The following STIM1 variants were observed in gnomAD, a reference collection of about 807,000 sequenced individuals.
The protein encoded by STIM1 is stromal interaction molecule 1.
A neutral mutation model predicts 74.7 loss-of-function variants in STIM1; 25 were observed. The observed-to-expected ratio is 0.33, with a 90% CI of 0.24 to 0.47. The LOEUF (loss-of-function observed/expected upper bound fraction) is 0.47, where lower values mean the gene tolerates loss of function less well. STIM1 is among the 20% of genes least tolerant of loss of function. The pLI, the probability that STIM1 is intolerant of heterozygous loss-of-function variation, is 1.00. For synonymous variants in STIM1, 328 were observed against 348.8 expected (o/e 0.94, Z 0.66); for missense variants, 728 against 920.8 (o/e 0.79, Z 2.71).
At chr11:3,979,415 G>A (rs1257845013) in intron 2 of STIM1, among the ~76,000 whole-genome samples, 1 of 151,920 alleles carries the variant, frequency 6.6e-6, no homozygotes, top group African/African-American at 2.4e-5. Context: ...CTTTAAATCC[G>A]ATTTTAGCCT....
intron 2 of STIM1, among the ~76,000 whole-genome samples, chr11:3,986,113 A>T (rs114626585): frequency 1.3e-3 from 201 of 152,298 alleles, no homozygotes; most frequent in African/African-American, 4.2e-3. Context: ...TTAAAGACTA[A>T]TAAGATGAAT....
At chr11:4,080,789 G>A (rs559640459) in intron 7 of STIM1, among the ~76,000 whole-genome samples, 2 of 152,086 alleles carry the variant, frequency 1.3e-5, no homozygotes, top group Non-Finnish European at 2.9e-5. Context: ...GAGCCTTGTA[G>A]GCCTGCCCCT....
intron 2 of STIM1, among the ~76,000 whole-genome samples, chr11:4,017,427 A>G (rs1414041926): frequency 1.3e-5 from 2 of 152,152 alleles, no homozygotes; most frequent in East Asian, 1.9e-4. Flanking sequence ...GTGAGTCCCT[A>G]TGCAGATCTT....
intron 1 of STIM1, among the ~76,000 whole-genome samples, chr11:3,955,611 A>T (rs1417323135): frequency 2.0e-5 from 3 of 152,128 alleles, no homozygotes; most frequent in Non-Finnish European, 2.9e-5. Flanking sequence ...ATGTAAAAAT[A>T]TATATTTTAA....
chr11:4,034,481 C>A (rs113591512), intron 3 of STIM1, among the ~76,000 whole-genome samples: 2 of 151,988 alleles, frequency 1.3e-5, no homozygotes, highest in African/African-American at 2.4e-5. Flanking sequence ...GGATAAATCC[C>A]CTTGGTCATA....
intron 3 of STIM1, among the ~76,000 whole-genome samples, chr11:4,044,299 A>C (rs1029547341): frequency 3.9e-5 from 6 of 152,154 alleles, no homozygotes; most frequent in Admixed American, 1.3e-4. Flanking sequence ...CTCCTTGCCA[A>C]ATTCTGCAGC....
chr11:4,088,731 C>A, intron 12 of STIM1: 1 of 1,535,830 alleles, frequency 6.5e-7, no homozygotes, highest in East Asian at 2.4e-5. Context: ...AACAGGCTCT[C>A]TAGTAAGGTC....
chr11:3,894,493 G>A (rs2091995691), intron 1 of STIM1, among the ~76,000 whole-genome samples: 1 of 152,094 alleles, frequency 6.6e-6, no homozygotes, highest in South Asian at 2.1e-4. Flanking sequence ...AAGTGACCTT[G>A]GGAGCATCTA....
intron 2 of STIM1, among the ~76,000 whole-genome samples, chr11:4,003,698 C>T (rs1438634655): frequency 1.3e-5 from 2 of 152,224 alleles, no homozygotes; most frequent in African/African-American, 4.8e-5. Context: ...TGCCCTCTCT[C>T]ACCACTCCTA....
chr11:3,901,556 G>A (rs1266876584), intron 1 of STIM1, among the ~76,000 whole-genome samples: 1 of 152,158 alleles, frequency 6.6e-6, no homozygotes, highest in Non-Finnish European at 1.5e-5. Context: ...GACAGCTTAT[G>A]TGTCAGAAAA....
Position 4,063,495 on chromosome 11 carries a change from G to A in STIM1, c.613+4099G>A, listed in dbSNP as rs1042831032. Among the ~76,000 whole-genome samples, 7 of 152,214 alleles carry A rather than the reference G, an allele frequency of 4.6e-5. No homozygotes were observed. The East Asian group carries it at 7.7e-4, about 17-fold the overall frequency. On this transcript the variant is annotated intron_variant, in intron 5 of 12. Coordinates refer to ENST00000526596, the MANE Select transcript of STIM1 (RefSeq NM_001382567.1). Reference sequence around the variant, plus strand: ...ATAAGTTATTTTTAAATTAAGGCACGCACACTGTATTTTTAGACATAATGC... The same window carrying A: ...ATAAGTTATTTTTAAATTAAGGCACACACACTGTATTTTTAGACATAATGC...
chr11:3,885,145 T>C (rs1255592169), intron 1 of STIM1, among the ~76,000 whole-genome samples: 1 of 152,056 alleles, frequency 6.6e-6, no homozygotes, highest in Non-Finnish European at 1.5e-5. Context: ...GGATTAATTA[T>C]ATGTCATGTG....
intron 2 of STIM1, among the ~76,000 whole-genome samples, chr11:3,969,689 G>A (rs1403634642): frequency 6.6e-6 from 1 of 152,192 alleles, no homozygotes; most frequent in South Asian, 2.1e-4. Flanking sequence ...AGCTGTAGAG[G>A]TAGTAAGAAA....
intron 2 of STIM1, among the ~76,000 whole-genome samples, chr11:3,982,684 G>T (rs184625898): frequency 1.2e-4 from 18 of 152,290 alleles, no homozygotes; most frequent in African/African-American, 4.3e-4. Flanking sequence ...TCAGGCTGAT[G>T]ATAATGTTCT....
chr11:3,991,973 G>A (rs201747290), intron 2 of STIM1, among the ~76,000 whole-genome samples: 20,735 of 81,910 alleles, frequency 0.25, 4,262 homozygotes, highest in Non-Finnish European at 0.35. Flanking sequence ...AAAAAAAAAA[G>A]AAAAAAAAAA....
In STIM1 at chr11:4,082,346, G is replaced by T; in HGVS notation, c.1132G>T (p.Glu378Ter). The change falls in exon 8 of 13, where the codon GAG becomes TAG. Residue 378 changes from glutamate to a stop codon, truncating the protein, a stop_gained. Coordinates refer to ENST00000526596, the MANE Select transcript of STIM1 (RefSeq NM_001382567.1). LOFTEE classifies it high-confidence loss of function. Reference protein sequence around the residue: ...NAEKQLLVAKEGAEKIKKKRN... With the variant: ...NAEKQLLVAK ...TGAGAAGCAGCTGCTGGTGGCCAAG[G>T]AGGGGGTGAGAACAGCCCTTCTATT... The T allele has an allele frequency of 6.2e-7, 1 of 1,611,036 alleles. No homozygotes were observed. Among genetic ancestry groups the T allele is most frequent in the Non-Finnish European group, 8.5e-7 (1 of 1,179,036 alleles).
intron 1 of STIM1, among the ~76,000 whole-genome samples, chr11:3,921,248 T>A (rs1487405760): frequency 2.6e-5 from 4 of 152,246 alleles, no homozygotes; most frequent in Non-Finnish European, 5.9e-5. Flanking sequence ...CATGATGGAT[T>A]TGATATCTTT....
rs1454054588 is a variant in STIM1 at position 3,967,658 on chromosome 11, T to C, written c.246T>C (p.Asp82=). The C allele has an allele frequency of 5.0e-6, 8 of 1,614,068 alleles. No homozygotes were observed. Among genetic ancestry groups the C allele is most frequent in the East Asian group, 2.2e-5 (1 of 44,896 alleles). ...TGATGGACGATGATGCCAATGGTGATGTGGATGTGGAAGAAAGTGATGAGG... is the reference window on the plus strand; with the variant it reads ...TGATGGACGATGATGCCAATGGTGACGTGGATGTGGAAGAAAGTGATGAGG... ...HKLMDDDANG[D]VDVEESDEFL... Residue 82 remains aspartate (D), a synonymous_variant, in exon 2 of 13, where the codon GAT becomes GAC. Transcript: ENST00000526596.
intron 1 of STIM1, 121 bp downstream of exon 1, chr11:3,856,530 C>A: frequency 8.1e-7 from 1 of 1,227,562 alleles, no homozygotes; most frequent in Non-Finnish European, 1.1e-6. Flanking sequence ...TCACACATGG[C>A]ACTGCCTGTT....
Sources: gnomAD v4.1 joint callset for allele counts (sites outside exome capture counted in the v4.1 genomes callset) on GRCh38, gnomAD v4.1.1 for gene constraint, MANE v1.5 for transcripts, NCBI Gene and HGNC (gene_info 2026-07-23, HGNC 2026-07-21) for gene names.